The following CENPC variants were observed in gnomAD, a reference collection of about 807,000 sequenced individuals.
The protein encoded by CENPC is centromere protein C, also known as CENP-C 1.
In CENPC, 63 loss-of-function variants were observed where a neutral mutation model predicts 112.1. The observed-to-expected ratio is 0.56, with a 90% CI of 0.46 to 0.69. The LOEUF (loss-of-function observed/expected upper bound fraction) is 0.69. CENPC is among the 30% of genes least tolerant of loss of function. The pLI is 0.00. For synonymous variants in CENPC, 333 were observed against 367.6 expected (o/e 0.91, Z 1.08); for missense variants, 1,000 against 1,103.8 (o/e 0.91, Z 1.33).
chr4:67,544,457 T>C (rs889120726), intron 1 of CENPC, among the ~76,000 whole-genome samples: 1 of 152,224 alleles, frequency 6.6e-6, no homozygotes, highest in Admixed American at 6.5e-5. Context: ...TTATATATAA[T>C]GTAAACAATA....
intron 5 of CENPC, among the ~76,000 whole-genome samples, chr4:67,529,961 A>G (rs2109824365): frequency 6.6e-6 from 1 of 152,262 alleles, no homozygotes; most frequent in South Asian, 2.1e-4. Context: ...TAAAAGTAGT[A>G]CATTCAGAAG....
At chr4:67,506,965 T>C (rs770256015) in intron 10 of CENPC, 31 bp from the exon 11 acceptor site, 5 of 1,537,558 alleles carry the variant, frequency 3.3e-6, no homozygotes, top group South Asian at 1.2e-5. Context: ...TGAGTGTTTA[T>C]ACTTCTTCAA....
At chr4:67,532,376 A>G (rs1462117208) in intron 4 of CENPC, among the ~76,000 whole-genome samples, 1 of 152,168 alleles carries the variant, frequency 6.6e-6, no homozygotes, top group African/African-American at 2.4e-5. Flanking sequence ...ATACCATTTG[A>G]CCCAGCCATC....
chr4:67,479,341 A>C (rs907052533), intron 17 of CENPC, among the ~76,000 whole-genome samples: 3 of 152,198 alleles, frequency 2.0e-5, no homozygotes, highest in African/African-American at 7.2e-5. Flanking sequence ...AGTCTCAATA[A>C]ATTTAAGAAA....
At chr4:67,519,562 G>A in intron 5 of CENPC, 60 bp from the exon 6 acceptor site, 12 of 1,153,142 alleles carry the variant, frequency 1.0e-5, no homozygotes, top group Non-Finnish European at 1.4e-5. Flanking sequence ...GAATCAAGCA[G>A]GCTTTTTAAA....
At chr4:67,491,924 G>A (rs899199236) in intron 16 of CENPC, among the ~76,000 whole-genome samples, 13 of 152,264 alleles carry the variant, frequency 8.5e-5, no homozygotes, top group East Asian at 5.8e-4. Flanking sequence ...TGGGGGAGAC[G>A]ACATTCCTGA....
intron 3 of CENPC, 109 bp from the exon 4 acceptor site, chr4:67,540,043 G>T (rs1326218489): frequency 7.4e-6 from 4 of 537,470 alleles, no homozygotes; most frequent in Non-Finnish European, 1.3e-5. Context: ...TTGACTCACT[G>T]ACCACAATTA....
chr4:67,507,576 C>T (rs1725771711), intron 10 of CENPC, among the ~76,000 whole-genome samples: 1 of 152,150 alleles, frequency 6.6e-6, no homozygotes, highest in African/African-American at 2.4e-5. Context: ...CAAGAGGAAA[C>T]AGTCTCAAAA....
At chr4:67,540,177 T>C (rs963991785) in intron 3 of CENPC, among the ~76,000 whole-genome samples, 2 of 152,350 alleles carry the variant, frequency 1.3e-5, no homozygotes, top group Admixed American at 6.5e-5. Flanking sequence ...AGAGCTTGTA[T>C]AGAAAACATT....
intron 17 of CENPC, among the ~76,000 whole-genome samples, chr4:67,484,542 C>T (rs1470865598): frequency 6.6e-6 from 1 of 152,124 alleles, no homozygotes; most frequent in African/African-American, 2.4e-5. Flanking sequence ...GGCACATGAA[C>T]CCTATTGTGA....
intron 4 of CENPC, among the ~76,000 whole-genome samples, chr4:67,538,743 G>A (rs545355337): frequency 6.6e-5 from 10 of 152,276 alleles, no homozygotes; most frequent in African/African-American, 2.2e-4. Context: ...CCTTGAGGGG[G>A]AATATCCTCC....
At chr4:67,529,364 G>A (rs549703778) in intron 5 of CENPC, among the ~76,000 whole-genome samples, 50 of 151,820 alleles carry the variant, frequency 3.3e-4, no homozygotes, top group African/African-American at 1.0e-3. Flanking sequence ...TCACTCTGTC[G>A]CCCAGGCTGG....
intron 17 of CENPC, among the ~76,000 whole-genome samples, chr4:67,476,431 C>T (rs1724807236): frequency 6.6e-6 from 1 of 152,120 alleles, no homozygotes; most frequent in Non-Finnish European, 1.5e-5. Context: ...TTTAACCTTA[C>T]CTAGAGCTGA....
At chr4:67,473,016 A>G (rs930895574) in intron 18 of CENPC, among the ~76,000 whole-genome samples, 1 of 152,242 alleles carries the variant, frequency 6.6e-6, no homozygotes, top group African/African-American at 2.4e-5. Context: ...AGACATACTC[A>G]TATATAGATG....
At chr4:67,514,025 TA>T in intron 8 of CENPC, 48 bp downstream of exon 8, 1 of 1,470,564 alleles carries the variant, frequency 6.8e-7, no homozygotes, top group Non-Finnish European at 8.9e-7. Flanking sequence ...TTAAAAAACA[TA>T]AAATGGGTAG....
rs1403314300 is a variant in CENPC, at chr4:67,468,969, A to T, written c.*3636T>A. The stretch of plus-strand genomic sequence containing the variant: ...TATAAGTGACAATATTACAGAGATG[A>T]AGAACAAATTAGTGATGATGAAACA... On this transcript the variant is annotated 3_prime_UTR_variant, in exon 19 of 19. Transcript: ENST00000273853. 2 of 152,230 alleles carry T rather than the reference A, an allele frequency of 1.3e-5. No homozygotes were observed. The highest frequency in any genetic ancestry group is 4.8e-5 in the African/African-American group (2 of 41,458). The allele number at this position is 152,230 out of a possible 1,614,324, so 9.4% of individuals were successfully genotyped here. A position where few individuals can be genotyped will look rare whatever the true frequency, so the allele number is the denominator to read the frequency against.
chr4:67,481,100 G>C (rs542454120), intron 17 of CENPC, among the ~76,000 whole-genome samples: 225 of 152,220 alleles, frequency 1.5e-3, no homozygotes, highest in African/African-American at 5.1e-3. Flanking sequence ...TAAACTTTCA[G>C]GATACAAAAT....
rs758325169 is a variant in CENPC at position 67,530,838 on chromosome 4, G to C, written c.308C>G (p.Pro103Arg). Residue 103 changes from proline to arginine, a missense_variant, in exon 5 of 19, where the codon CCA becomes CGA. Transcript: ENST00000273853. ...KEASLQFVVE[P>R]SEATNRSVQA... ...ACCTGATCTGTTTGTGGCTTCACTT[G>C]GTTCTACAACAAACTGTAGAGAGGC... 11 of 1,596,646 alleles carry C rather than the reference G, an allele frequency of 6.9e-6. No homozygotes were observed. In the Admixed American group the frequency reaches 8.6e-5, roughly 13 times the overall value.
intron 4 of CENPC, among the ~76,000 whole-genome samples, chr4:67,535,924 G>A (rs914970960): frequency 6.6e-6 from 1 of 152,122 alleles, no homozygotes; most frequent in Non-Finnish European, 1.5e-5. Flanking sequence ...GGACTTGGAG[G>A]AGGAAAAGTG....
Sources: allele counts gnomAD v4.1 joint callset (sites outside exome capture counted in the v4.1 genomes callset), GRCh38; gene constraint gnomAD v4.1.1; transcripts MANE v1.5; gene names NCBI Gene and HGNC (gene_info 2026-07-23, HGNC 2026-07-21).